The following CEP170 variants were observed in gnomAD, a reference collection of about 807,000 sequenced individuals.
CEP170 encodes centrosomal protein of 170 kDa.
Under a neutral mutation model 151.9 loss-of-function variants are expected in CEP170, and 21 were observed. The ratio of observed to expected loss-of-function variants is 0.14; its 90% CI spans 0.10 to 0.20. The LOEUF (loss-of-function observed/expected upper bound fraction) is 0.20. Among genes scored for constraint, CEP170 ranks in the 10% least tolerant of loss-of-function variants. CEP170 has a pLI of 1.00. For synonymous variants in CEP170, 356 were observed against 648.8 expected, an observed-to-expected ratio of 0.55 and a Z score of 6.86; for missense variants, 964 against 1,892.9, an observed-to-expected ratio of 0.51 and a Z score of 9.11.
intron 2 of CEP170, among the ~76,000 whole-genome samples, chr1:243,223,628 G>C (rs1468831494): frequency 6.6e-6 from 1 of 152,198 alleles, no homozygotes; most frequent in Non-Finnish European, 1.5e-5. Context: ...TAAGACCTAA[G>C]AGAACAACAG....
intron 10 of CEP170, among the ~76,000 whole-genome samples, chr1:243,174,486 T>A (rs1246081381): frequency 6.6e-6 from 1 of 152,106 alleles, no homozygotes; most frequent in Non-Finnish European, 1.5e-5. Flanking sequence ...AGTACAGCTA[T>A]CTGATAAGCT....
chr1:243,159,760 GTT>G (rs1491290917), intron 13 of CEP170, among the ~76,000 whole-genome samples: 2 of 58,638 alleles, frequency 3.4e-5, no homozygotes, highest in African/African-American at 1.7e-4. Context: ...TTTGTTTCCG[GTT>G]TTGTGTGTGT....
intron 3 of CEP170, among the ~76,000 whole-genome samples, chr1:243,212,432 C>T (rs2061891886): frequency 6.6e-6 from 1 of 152,060 alleles, no homozygotes; most frequent in African/African-American, 2.4e-5. Flanking sequence ...TAGAATAAAA[C>T]TCAATTTATT....
chr1:243,147,274 A>C (rs2056615960), intron 14 of CEP170, among the ~76,000 whole-genome samples: 2 of 152,186 alleles, frequency 1.3e-5, no homozygotes, highest in African/African-American at 4.8e-5. Flanking sequence ...CCCATTATTC[A>C]AGATTATTTT....
intron 11 of CEP170, among the ~76,000 whole-genome samples, chr1:243,172,432 C>G (rs1161338549): frequency 6.6e-6 from 1 of 152,086 alleles, no homozygotes; most frequent in Non-Finnish European, 1.5e-5. Flanking sequence ...GTCAGGAGTT[C>G]GAGACCAGCC....
intron 1 of CEP170, among the ~76,000 whole-genome samples, chr1:243,229,324 T>A (rs1032107782): frequency 6.6e-6 from 1 of 152,174 alleles, no homozygotes; most frequent in South Asian, 2.1e-4. Context: ...GGTTTTTGAA[T>A]AGGCTTTCTG....
chr1:243,248,873 C>G (rs911440661), intron 1 of CEP170, among the ~76,000 whole-genome samples: 1 of 152,128 alleles, frequency 6.6e-6, no homozygotes, highest in African/African-American at 2.4e-5. Context: ...CCTCACTCAC[C>G]TTCAGCCACA....
chr1:243,246,226 C>CTGTTTTTTTTTTT (rs2065381016), intron 1 of CEP170, among the ~76,000 whole-genome samples: 1 of 109,470 alleles, frequency 9.1e-6, no homozygotes, highest in African/African-American at 3.9e-5. Flanking sequence ...GTGTTGTTTA[C>CTGTTTTTTTTTTT]TTTTTTTTTT....
At chr1:243,221,030 CT>C (rs142205273) in intron 3 of CEP170, among the ~76,000 whole-genome samples, 1 of 151,662 alleles carries the variant, frequency 6.6e-6, no homozygotes, top group Non-Finnish European at 1.5e-5. Flanking sequence ...CTTTTCTTTT[CT>C]TTTTTTTGAG....
At position 243,165,771 on chromosome 1, in the gene CEP170, T is replaced by G. The variant is rs1329793324; in HGVS notation, c.2189A>C (p.Glu730Ala). 2 of 1,614,076 alleles carry G rather than the reference T, an allele frequency of 1.2e-6. No individual in the cohort carries two copies. Among genetic ancestry groups the G allele is most frequent in the East Asian group, 4.5e-5 (2 of 44,888 alleles). The change falls in exon 13 of 20, where the codon GAG becomes GCG. Residue 730 changes from glutamate (E) to alanine (A), a missense_variant. Coordinates refer to ENST00000366542, the MANE Select transcript of CEP170 (RefSeq NM_014812.3). ...LHLGSSAPGK[E>A]KSETDKETSL... The stretch of plus-strand genomic sequence containing the variant: ...AGTTTCCTTATCAGTTTCACTTTTC[T>G]CTTTTCCAGGAGCAGAGCTGCCTAA...
intron 1 of CEP170, among the ~76,000 whole-genome samples, chr1:243,241,380 G>T (rs2064818241): frequency 2.0e-5 from 3 of 152,146 alleles, no homozygotes; most frequent in Non-Finnish European, 4.4e-5. Context: ...TAACTAAAAT[G>T]ACTGCTTTGT....
intron 1 of CEP170, among the ~76,000 whole-genome samples, chr1:243,226,086 T>C (rs1318644267): frequency 6.9e-6 from 1 of 144,088 alleles, no homozygotes; most frequent in Non-Finnish European, 1.5e-5. Context: ...TAGATATAAA[T>C]ATATCTATAT....
intron 12 of CEP170, 23 bp from the exon 13 acceptor site, chr1:243,166,139 A>G (rs1208433695): frequency 6.2e-7 from 1 of 1,610,562 alleles, no homozygotes; most frequent in East Asian, 2.2e-5. Flanking sequence ...AACCACAAAG[A>G]AGGAATTGAT....
At chr1:243,231,110 A>C (rs1054475109) in intron 1 of CEP170, among the ~76,000 whole-genome samples, 9 of 149,726 alleles carry the variant, frequency 6.0e-5, no homozygotes, top group African/African-American at 2.2e-4. Context: ...AAAAAAAAAA[A>C]CTGTCAATCA....
intron 1 of CEP170, among the ~76,000 whole-genome samples, chr1:243,244,751 A>C (rs1313480772): frequency 2.2e-5 from 3 of 135,716 alleles, no homozygotes; most frequent in African/African-American, 7.7e-5. Context: ...GTTTCACAAA[A>C]AGTAAAAAAA....
At chr1:243,246,042 G>A (rs2065359953) in intron 1 of CEP170, among the ~76,000 whole-genome samples, 1 of 151,942 alleles carries the variant, frequency 6.6e-6, no homozygotes, top group African/African-American at 2.4e-5. Flanking sequence ...ATATGCCAGT[G>A]GTAGAAGAAT....
At chr1:243,180,768 T>G (rs2059571465) in intron 10 of CEP170, among the ~76,000 whole-genome samples, 1 of 152,242 alleles carries the variant, frequency 6.6e-6, no homozygotes, top group African/African-American at 2.4e-5. Flanking sequence ...TTTGACTCAC[T>G]GCTGTAAATG....
chr1:243,205,475 T>C (rs1301005764), intron 4 of CEP170, among the ~76,000 whole-genome samples: 2 of 152,178 alleles, frequency 1.3e-5, no homozygotes, highest in African/African-American at 2.4e-5. Flanking sequence ...TGTTAATAGA[T>C]TGGGCATAGC....
intron 1 of CEP170, among the ~76,000 whole-genome samples, chr1:243,237,640 G>C (rs1318692318): frequency 6.6e-6 from 1 of 152,152 alleles, no homozygotes; most frequent in Non-Finnish European, 1.5e-5. Flanking sequence ...GGTGGCTCAC[G>C]CCTGTAATCC....
Sources: allele counts gnomAD v4.1 joint callset (sites outside exome capture counted in the v4.1 genomes callset), GRCh38; gene constraint gnomAD v4.1.1; transcripts MANE v1.5; gene names NCBI Gene and HGNC (gene_info 2026-07-23, HGNC 2026-07-21).